Variants in DOCK9 observed in about 807,000 individuals in gnomAD.
DOCK9 encodes the protein dedicator of cytokinesis protein 9.
Under a neutral mutation model 263.3 loss-of-function variants are expected in DOCK9, and 89 were observed. The ratio of observed to expected loss-of-function variants is 0.34; its 90% CI spans 0.28 to 0.40. The LOEUF (loss-of-function observed/expected upper bound fraction) is 0.40. Among genes scored for constraint, DOCK9 ranks in the 10% least tolerant of loss-of-function variants. DOCK9 has a pLI of 1.00. For missense variants in DOCK9, 2,140 were observed against 2,603.4 expected, an observed-to-expected ratio of 0.82 and a Z score of 3.87; for synonymous variants, 976 against 973.1, an observed-to-expected ratio of 1.00 and a Z score of -0.06.
At chr13:98,976,735 T>C (rs1325249314) in intron 1 of DOCK9, among the ~76,000 whole-genome samples, 1 of 152,244 alleles carries the variant, frequency 6.6e-6, no homozygotes, top group Non-Finnish European at 1.5e-5. Flanking sequence ...GATATTTTAC[T>C]AACTTTTCAG....
intron 13 of DOCK9, 33 bp from the exon 14 acceptor site, chr13:98,898,294 T>A: frequency 2.0e-6 from 3 of 1,516,640 alleles, no homozygotes; most frequent in Non-Finnish European, 2.7e-6. Context: ...TATGAGATAC[T>A]GCATCTCACT....
intron 1 of DOCK9, among the ~76,000 whole-genome samples, chr13:99,067,574 C>A (rs2041476841): frequency 6.6e-6 from 1 of 152,190 alleles, no homozygotes; most frequent in Non-Finnish European, 1.5e-5. Context: ...AGGCCAGACT[C>A]AAAACCAAAT....
intron 48 of DOCK9, among the ~76,000 whole-genome samples, chr13:98,806,358 A>T (rs9557077): frequency 0.18 from 28,086 of 152,262 alleles, 3,512 homozygotes; most frequent in East Asian, 0.43. Context: ...GGCAATTCCT[A>T]TGCAGAAACA....
chr13:98,814,973 A>C (rs79315339), intron 45 of DOCK9, among the ~76,000 whole-genome samples: 15,760 of 139,726 alleles, frequency 0.11, 1,378 homozygotes, highest in South Asian at 0.25. Context: ...AATAAAATAA[A>C]ATAAAATAAA....
intron 35 of DOCK9, among the ~76,000 whole-genome samples, chr13:98,850,721 G>A (rs1488596171): frequency 6.6e-6 from 1 of 152,030 alleles, no homozygotes; most frequent in South Asian, 2.1e-4. Flanking sequence ...CTTTTATGTG[G>A]GTCTTTGCAT....
At chr13:98,848,463 C>A in intron 37 of DOCK9, 129 bp downstream of exon 37, 2 of 896,914 alleles carry the variant, frequency 2.2e-6, no homozygotes, top group Non-Finnish European at 1.7e-6. Flanking sequence ...AATCCAAGGG[C>A]CTGCCATCAG....
chr13:99,075,830 A>C (rs1382735402), intron 1 of DOCK9, among the ~76,000 whole-genome samples: 1 of 152,196 alleles, frequency 6.6e-6, no homozygotes, highest in African/African-American at 2.4e-5. Flanking sequence ...TAAGAGTTTT[A>C]AAATAAACTT....
intron 38 of DOCK9, among the ~76,000 whole-genome samples, chr13:98,840,030 T>A (rs1183644909): frequency 6.6e-6 from 1 of 152,232 alleles, no homozygotes; most frequent in Non-Finnish European, 1.5e-5. Context: ...GCTATTTTTT[T>A]AAATCCCTAA....
At chr13:99,082,240 G>T (rs879302519) in intron 1 of DOCK9, among the ~76,000 whole-genome samples, 1 of 149,298 alleles carries the variant, frequency 6.7e-6, no homozygotes. Context: ...AAATAAGGCC[G>T]GGCGCAGTGG....
At chr13:98,915,599 C>T (rs1439620057) in intron 7 of DOCK9, 96 bp from the exon 8 acceptor site, 6 of 1,205,744 alleles carry the variant, frequency 5.0e-6, no homozygotes, top group Admixed American at 2.9e-5. Context: ...ATCTCATTGG[C>T]ATTTAGAACC....
intron 7 of DOCK9, 111 bp downstream of exon 7, chr13:98,920,841 ATT>A (rs2051849948): frequency 1.9e-5 from 19 of 1,025,206 alleles, no homozygotes; most frequent in Non-Finnish European, 2.6e-5. Flanking sequence ...TATATGTTAT[ATT>A]TCTACCATGC....
At chr13:99,035,026 G>T (rs1887719983) in intron 1 of DOCK9, among the ~76,000 whole-genome samples, 1 of 152,316 alleles carries the variant, frequency 6.6e-6, no homozygotes, top group South Asian at 2.1e-4. Flanking sequence ...GAATGAAGTG[G>T]AACAGTCTTA....
At chr13:98,976,861 C>A (rs1411244825) in intron 1 of DOCK9, among the ~76,000 whole-genome samples, 1 of 152,080 alleles carries the variant, frequency 6.6e-6, no homozygotes, top group African/African-American at 2.4e-5. Flanking sequence ...AGTTCAGATT[C>A]TTAGACATTA....
At chr13:98,954,438 C>T (rs539641427) in intron 2 of DOCK9, among the ~76,000 whole-genome samples, 6 of 152,192 alleles carry the variant, frequency 3.9e-5, no homozygotes, top group East Asian at 3.9e-4. Context: ...TTAACACCAC[C>T]GGGTTTCCTG....
intron 38 of DOCK9, among the ~76,000 whole-genome samples, 183 bp from the exon 39 acceptor site, chr13:98,837,792 T>C (rs2093062969): frequency 1.3e-5 from 2 of 151,628 alleles, no homozygotes. Flanking sequence ...AAAGTAGTAA[T>C]AATGTTTCAA....
rs961831098 is a variant in DOCK9 at position 98,829,017 on chromosome 13, T to G, written c.4965+290A>C. ...TCATAAAATAGCTGAATTTTAGAAC[T>G]ACAGAGGAATTTTGATGTGTATTTT... On this transcript the variant is annotated intron_variant, in intron 43 of 52. Coordinates refer to ENST00000682017, the MANE Select transcript of DOCK9 (RefSeq NM_001366683.2). The surrounding 1 kb of genome is among the most constrained non-coding windows in gnomAD (Gnocchi z 4.1). Among the ~76,000 whole-genome samples the G allele has an allele frequency of 6.6e-6, 1 of 152,186 alleles. No individual in the cohort carries two copies. Among genetic ancestry groups the G allele is most frequent in the Non-Finnish European group, 1.5e-5 (1 of 68,026 alleles).
At chr13:98,952,349 C>T (rs1185411998) in intron 2 of DOCK9, among the ~76,000 whole-genome samples, 1 of 151,998 alleles carries the variant, frequency 6.6e-6, no homozygotes, top group African/African-American at 2.4e-5. Flanking sequence ...GATTCTCCTG[C>T]CTCAGCCTCC....
At chr13:98,813,796 T>A (rs571282534) in intron 45 of DOCK9, among the ~76,000 whole-genome samples, 1 of 151,964 alleles carries the variant, frequency 6.6e-6, no homozygotes, top group South Asian at 2.1e-4. Flanking sequence ...TGTGCCACCA[T>A]GCCCGGCTAA....
intron 1 of DOCK9, among the ~76,000 whole-genome samples, chr13:99,045,283 A>C (rs1335590164): frequency 6.6e-6 from 1 of 152,226 alleles, no homozygotes; most frequent in Non-Finnish European, 1.5e-5. Flanking sequence ...ATAAATGGAT[A>C]AATAAAATAT....
Sources: gnomAD v4.1 joint callset for allele counts (sites outside exome capture counted in the v4.1 genomes callset) on GRCh38, gnomAD v4.1.1 for gene constraint, Gnocchi (gnomAD v3.1) non-coding constraint, MANE v1.5 for transcripts, NCBI Gene and HGNC (gene_info 2026-07-23, HGNC 2026-07-21) for gene names.